Variants in CPT1A observed in about 807,000 individuals in gnomAD.
The protein encoded by CPT1A is carnitine O-palmitoyltransferase 1, liver isoform.
CPT1A carries 64 observed loss-of-function variants against 100.8 expected under a neutral mutation model. The ratio of observed to expected loss-of-function variants is 0.63; its 90% CI spans 0.52 to 0.78. CPT1A has a LOEUF of 0.78. Ranked by LOEUF, CPT1A falls within the 30% of genes least tolerant of loss-of-function variation. The pLI is 0.00. For synonymous variants in CPT1A, 363 were observed against 396.0 expected, an observed-to-expected ratio of 0.92 and a Z score of 0.99; for missense variants, 802 against 1,034.1, an observed-to-expected ratio of 0.78 and a Z score of 3.08.
chr11:68,783,514 C>A (rs1054524672), intron 10 of CPT1A, among the ~76,000 whole-genome samples: 1 of 152,216 alleles, frequency 6.6e-6, no homozygotes, highest in Non-Finnish European at 1.5e-5. Context: ...GGCCCCTCCA[C>A]GCAGCACAGA....
At position 68,807,470 on chromosome 11, in the gene CPT1A, C is replaced by A. The variant is rs771877499; in HGVS notation, c.450G>T (p.Trp150Cys). ...AGCCAGAGGGACACGCAATTACCAT[C>A]CAGATCTTGGTGGCACGACTCATCT... is the stretch of plus-strand genomic sequence containing the variant. Reference protein sequence around the residue: ...HGKMSRATKIWMGMVKIFSGR... With the variant: ...HGKMSRATKICMGMVKIFSGR... The change falls in exon 4 of 19, where the codon TGG becomes TGT. Residue 150 changes from tryptophan to cysteine, a missense_variant. This residue lies in a region of CPT1A where 161 missense variants were observed against 183.7 expected (regional missense o/e 0.88). Transcript: ENST00000265641. 1 of 1,613,958 alleles carries A rather than the reference C, an allele frequency of 6.2e-7. No individual in the cohort carries two copies. The highest frequency in any genetic ancestry group is 2.2e-5 in the East Asian group (1 of 44,868).
chr11:68,817,626 A>C (rs542834215), intron 1 of CPT1A, among the ~76,000 whole-genome samples: 7 of 149,468 alleles, frequency 4.7e-5, no homozygotes, highest in Non-Finnish European at 5.9e-5. Flanking sequence ...GGGCAGGAGG[A>C]TGGGGTCAAG....
intron 14 of CPT1A, among the ~76,000 whole-genome samples, chr11:68,772,927 C>T (rs528923929): frequency 6.6e-6 from 1 of 152,302 alleles, no homozygotes; most frequent in Admixed American, 6.5e-5. Flanking sequence ...CCTGCCCACA[C>T]TATTTCCACT....
intron 14 of CPT1A, among the ~76,000 whole-genome samples, chr11:68,765,087 C>A (rs1854754565): frequency 6.6e-6 from 1 of 152,244 alleles, no homozygotes; most frequent in Non-Finnish European, 1.5e-5. Flanking sequence ...ACGCGCCTTT[C>A]AGAGCCCTTC....
intron 12 of CPT1A, 76 bp downstream of exon 12, chr11:68,780,564 G>A (rs1445440085): frequency 6.2e-6 from 8 of 1,283,926 alleles, no homozygotes; most frequent in Admixed American, 1.7e-5. Flanking sequence ...GATTACAGGT[G>A]TGCGCCACTG....
At chr11:68,767,890 T>C (rs2153995996) in intron 14 of CPT1A, among the ~76,000 whole-genome samples, 1 of 152,110 alleles carries the variant, frequency 6.6e-6, no homozygotes, top group East Asian at 1.9e-4. Flanking sequence ...TTCCGTAACG[T>C]GGCCACGCCC....
At chr11:68,807,353 A>T in intron 4 of CPT1A, 114 bp downstream of exon 4, 1 of 1,114,792 alleles carries the variant, frequency 9.0e-7, no homozygotes, top group Non-Finnish European at 1.3e-6. Context: ...GGCCCAAGTC[A>T]CCAACCAAGC....
chr11:68,828,282 G>A (rs569771344), intron 1 of CPT1A, among the ~76,000 whole-genome samples: 7 of 152,300 alleles, frequency 4.6e-5, no homozygotes, highest in African/African-American at 1.4e-4. Context: ...CTGCCACATC[G>A]GCCCCAGCCA....
intron 14 of CPT1A, among the ~76,000 whole-genome samples, chr11:68,766,553 T>G (rs922491763): frequency 6.6e-6 from 1 of 152,150 alleles, no homozygotes; most frequent in African/African-American, 2.4e-5. Context: ...TGGTGCGATC[T>G]CAGCTCACTA....
rs3763835 is a variant in CPT1A at position 68,761,807 on chromosome 11, C to T, written c.1876-120G>A. Reference sequence around the variant, plus strand: ...GTTATTTTTAGTAGAGACGGGGTTTCAACATGTTGCCCAGGGTGGTTTCGA... The same window carrying T: ...GTTATTTTTAGTAGAGACGGGGTTTTAACATGTTGCCCAGGGTGGTTTCGA... On this transcript the variant is annotated intron_variant, in intron 15 of 18. Transcript: ENST00000265641. 374 of 1,199,768 alleles carry T rather than the reference C, an allele frequency of 3.1e-4. 4 individuals are homozygous for T. The East Asian group carries it at 7.0e-3, about 23-fold the overall frequency. The allele number at this position is 1,199,768 out of a possible 1,614,324, so 74.3% of individuals were successfully genotyped here. A position where few individuals can be genotyped will look rare whatever the true frequency, so the allele number is the denominator to read the frequency against.
intron 5 of CPT1A, among the ~76,000 whole-genome samples, chr11:68,802,896 CAAAAAAA>C (rs901808584): frequency 5.0e-3 from 223 of 44,950 alleles, no homozygotes; most frequent in East Asian, 0.013. Flanking sequence ...GACCCTGTCT[CAAAAAAA>C]AAAAAAAAAA....
At position 68,812,590 on chromosome 11, in the gene CPT1A, C is replaced by A. The variant is rs761564882; in HGVS notation, c.142-14G>T. The A allele has an allele frequency of 1.2e-6, 2 of 1,614,060 alleles. No homozygotes were observed. The highest frequency in any genetic ancestry group is 4.5e-5 in the East Asian group (2 of 44,876). On this transcript the variant is annotated splice_polypyrimidine_tract_variant and intron_variant, in intron 2 of 18. Transcript: ENST00000265641. The stretch of plus-strand genomic sequence containing the variant: ...GATGATGCCGTTCTAAAGACAGACA[C>A]CCGGGCCGTGAGCGGTGTCCTCCCA...
intron 5 of CPT1A, among the ~76,000 whole-genome samples, chr11:68,803,067 C>T (rs984954433): frequency 6.6e-6 from 1 of 152,212 alleles, no homozygotes; most frequent in African/African-American, 2.4e-5. Flanking sequence ...ACTATCACCC[C>T]ACCCTCAGCT....
intron 5 of CPT1A, 53 bp downstream of exon 5, chr11:68,803,947 G>C (rs1468580430): frequency 1.4e-6 from 2 of 1,389,510 alleles, no homozygotes; most frequent in Admixed American, 3.4e-5. Context: ...TAAGACCTAA[G>C]CCTTAATCCA....
intron 10 of CPT1A, among the ~76,000 whole-genome samples, chr11:68,783,373 C>T (rs182992253): frequency 8.3e-4 from 127 of 152,162 alleles, no homozygotes; most frequent in African/African-American, 2.9e-3. Context: ...AGCTTGGCAC[C>T]GTGGCCCAGC....
chr11:68,782,837 T>C (rs1437013705), intron 10 of CPT1A, among the ~76,000 whole-genome samples: 1 of 152,148 alleles, frequency 6.6e-6, no homozygotes, highest in African/African-American at 2.4e-5. Context: ...AAGGTGACGC[T>C]GACGGTGGCC....
intron 10 of CPT1A, among the ~76,000 whole-genome samples, chr11:68,782,965 C>G (rs780447053): frequency 6.6e-6 from 1 of 152,208 alleles, no homozygotes; most frequent in Non-Finnish European, 1.5e-5. Flanking sequence ...CCAGGCCCCG[C>G]GGCGCCGGCT....
intron 7 of CPT1A, among the ~76,000 whole-genome samples, chr11:68,795,662 C>G (rs1302060812): frequency 6.6e-6 from 1 of 152,176 alleles, no homozygotes; most frequent in Non-Finnish European, 1.5e-5. Context: ...TGTAATCCAG[C>G]ACTTTGGGAG....
At chr11:68,780,087 T>C (rs1855263492) in intron 12 of CPT1A, among the ~76,000 whole-genome samples, 1 of 152,142 alleles carries the variant, frequency 6.6e-6, no homozygotes, top group South Asian at 2.1e-4. Context: ...AACTGCCATT[T>C]CACTCTTTTG....
Sources: gnomAD v4.1 joint callset for allele counts (sites outside exome capture counted in the v4.1 genomes callset) on GRCh38, gnomAD v4.1.1 for gene constraint, gnomAD v4.1.1 regional missense constraint, MANE v1.5 for transcripts, NCBI Gene and HGNC (gene_info 2026-07-23, HGNC 2026-07-21) for gene names.